PADI2: variants seen among roughly 807,000 people sequenced by gnomAD.
The protein encoded by PADI2 is peptidyl arginine deiminase 2, also known as protein-arginine deiminase type-2.
PADI2 carries 70 observed loss-of-function variants against 81.1 expected under a neutral mutation model. The ratio of observed to expected loss-of-function variants is 0.86; its 90% CI spans 0.71 to 1.05. The LOEUF (loss-of-function observed/expected upper bound fraction) is 1.05. Ranked by LOEUF, PADI2 falls within the 50% of genes least tolerant of loss-of-function variation. PADI2 has a pLI of 0.00. For synonymous variants in PADI2, 338 were observed against 358.0 expected, an observed-to-expected ratio of 0.94 and a Z score of 0.63; for missense variants, 853 against 889.9, an observed-to-expected ratio of 0.96 and a Z score of 0.53.
intron 13 of PADI2, among the ~76,000 whole-genome samples, chr1:17,072,019 C>A (rs910232): frequency 0.6 from 91,375 of 152,004 alleles, 27,859 homozygotes; most frequent in Middle Eastern, 0.7. Context: ...ATGTGGCCGA[C>A]GCTCTTCTAA....
chr1:17,117,100 G>C (rs1409811040), intron 1 of PADI2, among the ~76,000 whole-genome samples: 6 of 152,122 alleles, frequency 3.9e-5, no homozygotes, highest in Admixed American at 3.9e-4. Context: ...GAAATATCGA[G>C]CCCAAAATGC....
chr1:17,116,358 CAGAA>C (rs1235663245), intron 1 of PADI2, among the ~76,000 whole-genome samples: 2 of 152,156 alleles, frequency 1.3e-5, no homozygotes, highest in Non-Finnish European at 2.9e-5. Flanking sequence ...CTTTGCGACT[CAGAA>C]GGAGTGAGGG....
At chr1:17,071,785 G>A (rs2078266305) in intron 13 of PADI2, among the ~76,000 whole-genome samples, 1 of 152,178 alleles carries the variant, frequency 6.6e-6, no homozygotes, top group South Asian at 2.1e-4. Context: ...GCTACAAGTA[G>A]CCCCCTGGTT....
intron 6 of PADI2, 29 bp from the exon 7 acceptor site, chr1:17,086,728 C>T (rs909685416): frequency 1.3e-6 from 2 of 1,599,238 alleles, no homozygotes; most frequent in African/African-American, 2.7e-5. Context: ...ACGTCAGACT[C>T]CCACCCGCAT....
intron 7 of PADI2, among the ~76,000 whole-genome samples, 159 bp downstream of exon 7, chr1:17,086,362 C>A (rs541305007): frequency 6.6e-6 from 1 of 152,182 alleles, no homozygotes; most frequent in East Asian, 1.9e-4. Flanking sequence ...CTGGCAGACA[C>A]GTGCAGGCTT....
In PADI2 at chr1:17,069,246, C is replaced by T; in HGVS notation, c.1796G>A (p.Gly599Asp). Residue 599 changes from glycine to aspartate, a missense_variant, in exon 16 of 16, where the codon GGC becomes GAC. By Grantham distance (94) the Gly-to-Asp change is moderately conservative. Coordinates refer to ENST00000375486, the MANE Select transcript of PADI2 (RefSeq NM_007365.3). Reference protein sequence around the residue: ...VNMIVLDKDLGIPKPFGPQVE... With the variant: ...VNMIVLDKDLDIPKPFGPQVE... ...CTGTGGCCCGAATGGCTTGGGGATGCCCAGGTCCTTGTCCAGCACGATCAT... is the reference window on the plus strand; with the variant it reads ...CTGTGGCCCGAATGGCTTGGGGATGTCCAGGTCCTTGTCCAGCACGATCAT... 1 of 1,614,180 alleles carries T rather than the reference C, an allele frequency of 6.2e-7. No homozygotes were observed. Among genetic ancestry groups the T allele is most frequent in the Non-Finnish European group, 8.5e-7 (1 of 1,179,998 alleles).
In PADI2 at chr1:17,067,818, A is replaced by G. The variant is rs2078233593; in HGVS notation, c.*1226T>C. The G allele has an allele frequency of 6.6e-6, 1 of 152,242 alleles. No homozygotes were observed. The highest frequency in any genetic ancestry group is 1.5e-5 in the Non-Finnish European group (1 of 68,040). 9.4% of individuals were successfully genotyped at this position (152,242 alleles called of 1,614,324 possible). ...ATTATAACCTTTTCATTGGTTATAAATCGGTTCTTCAAAATGGGATTATAA... is the reference window on the plus strand; with the variant it reads ...ATTATAACCTTTTCATTGGTTATAAGTCGGTTCTTCAAAATGGGATTATAA... On this transcript the variant is annotated 3_prime_UTR_variant, in exon 16 of 16. Coordinates refer to ENST00000375486, the MANE Select transcript of PADI2 (RefSeq NM_007365.3).
chr1:17,117,533 TTG>T (rs2100234648), intron 1 of PADI2, among the ~76,000 whole-genome samples: 1 of 152,220 alleles, frequency 6.6e-6, no homozygotes, highest in South Asian at 2.1e-4. Context: ...GTTAGGGTCT[TTG>T]TGGTCGTTGA....
At position 17,103,005 on chromosome 1, in the gene PADI2, G is replaced by A. The variant is rs757583027; in HGVS notation, c.331C>T (p.Leu111Phe). ...AACTCACCAATGGCTGTGAGGAAGA[G>A]CCCCGCCTGGTCGATGGGAATGCTC... ...EGSIPIDQAGLFLTAIEISLD... is the reference protein window; with the variant it reads ...EGSIPIDQAGFFLTAIEISLD... Residue 111 changes from leucine to phenylalanine, a missense_variant, in exon 3 of 16, where the codon CTC (leucine) becomes TTC (phenylalanine). By Grantham distance (22) the Leu-to-Phe change is conservative (BLOSUM62 0). Coordinates refer to ENST00000375486, the MANE Select transcript of PADI2 (RefSeq NM_007365.3). 1.4e-5 allele frequency: 22 copies of A among 1,610,176 alleles called. No individual in the cohort carries two copies. Among genetic ancestry groups the A allele is most frequent in the Non-Finnish European group, 1.7e-5 (20 of 1,178,216 alleles).
chr1:17,086,784 CA>C, intron 6 of PADI2, 85 bp from the exon 7 acceptor site: 3 of 1,131,556 alleles, frequency 2.7e-6, no homozygotes, highest in Non-Finnish European at 3.9e-6. Flanking sequence ...GACAAAAGGG[CA>C]AAGTAACTTG....
At chr1:17,075,867 A>C (rs1297205148) in intron 11 of PADI2, 44 bp from the exon 12 acceptor site, 1 of 1,592,402 alleles carries the variant, frequency 6.3e-7, no homozygotes, top group East Asian at 2.2e-5. Flanking sequence ...TACCCACCGC[A>C]CCAGAGGGCC....
intron 8 of PADI2, among the ~76,000 whole-genome samples, chr1:17,084,392 T>C (rs1026359633): frequency 1.3e-5 from 2 of 152,278 alleles, no homozygotes; most frequent in African/African-American, 4.8e-5. Context: ...ATACCCTGTG[T>C]GCTGGGCCTT....
At position 17,086,409 on chromosome 1, in the gene PADI2, C is replaced by T. The variant is rs1570987036; in HGVS notation, c.834+112G>A. The T allele has an allele frequency of 2.1e-5, 19 of 883,950 alleles. No homozygotes were observed. The South Asian group carries it at 3.4e-4, about 16-fold the overall frequency. The allele number at this position is 883,950 out of a possible 1,614,324, so 54.8% of individuals were successfully genotyped here. A position where few individuals can be genotyped will look rare whatever the true frequency, so the allele number is the denominator to read the frequency against. ...ATCGAGGTCTCCTAGCCTGGACCCA[C>T]CCCTTTGGCGCTTTGAGCAGGGTGG... On this transcript the variant is annotated intron_variant, in intron 7 of 15. Coordinates refer to ENST00000375486, the MANE Select transcript of PADI2 (RefSeq NM_007365.3).
intron 13 of PADI2, among the ~76,000 whole-genome samples, chr1:17,073,653 G>C (rs1371917291): frequency 1.3e-5 from 2 of 151,904 alleles, no homozygotes; most frequent in African/African-American, 2.4e-5. Context: ...ATGACTAACT[G>C]TTGTCTACTA....
intron 3 of PADI2, among the ~76,000 whole-genome samples, chr1:17,098,722 C>A (rs941567203): frequency 6.6e-6 from 1 of 152,198 alleles, no homozygotes; most frequent in Non-Finnish European, 1.5e-5. Context: ...CATGACCTGT[C>A]CCCATAATCC....
chr1:17,093,547 A>G lies in PADI2; in HGVS notation c.529+20T>C. On this transcript the variant is annotated intron_variant, in intron 5 of 15. Transcript: ENST00000375486. Reference sequence around the variant, plus strand: ...TTCACTCCTCTCATCCTGCCCCCCAAGTGCAGGGCCTGCTGGCACCTTCCT... The same window carrying G: ...TTCACTCCTCTCATCCTGCCCCCCAGGTGCAGGGCCTGCTGGCACCTTCCT... The G allele has an allele frequency of 2.0e-6, 3 of 1,465,392 alleles. No individual in the cohort carries two copies. The highest frequency in any genetic ancestry group is 2.9e-6 in the Non-Finnish European group (3 of 1,045,536). 90.8% of individuals were successfully genotyped at this position (1,465,392 alleles called of 1,614,324 possible).
At chr1:17,094,802 G>C (rs748501422) in intron 4 of PADI2, among the ~76,000 whole-genome samples, 2 of 152,232 alleles carry the variant, frequency 1.3e-5, no homozygotes, top group African/African-American at 2.4e-5. Context: ...CAGCCCCTTG[G>C]GGGAGGTTGG....
rs1477029520 is a variant in PADI2 at position 17,102,978 on chromosome 1, C to T, written c.349+9G>A. On this transcript the variant is annotated intron_variant, in intron 3 of 15. Transcript: ENST00000375486. The stretch of plus-strand genomic sequence containing the variant: ...TGAAGGCACTGAGACGGCAACCATG[C>T]CAACTCACCAATGGCTGTGAGGAAG... 2 of 1,606,066 alleles carry T rather than the reference C, an allele frequency of 1.2e-6. No individual in the cohort carries two copies. The highest frequency in any genetic ancestry group is 1.7e-5 in the Admixed American group (1 of 59,620).
chr1:17,069,012 CGAA>C lies in PADI2; in HGVS notation c.*29_*31del, dbSNP rs1314507309. On this transcript the variant is annotated 3_prime_UTR_variant, in exon 16 of 16. Coordinates refer to ENST00000375486, the MANE Select transcript of PADI2 (RefSeq NM_007365.3). ...GTGAGGGAGGGTCTGGAGAACTAAG[CGAA>C]GGAGGCAAACGCCAGGGCCCCTGGC... The C allele has an allele frequency of 2.0e-6, 3 of 1,510,296 alleles. No homozygotes were observed. Among genetic ancestry groups the C allele is most frequent in the Non-Finnish European group, 2.8e-6 (3 of 1,085,594 alleles). 93.6% of individuals were successfully genotyped at this position (1,510,296 alleles called of 1,614,324 possible). A position where few individuals can be genotyped will look rare whatever the true frequency, so the allele number is the denominator to read the frequency against.
Sources: gnomAD v4.1 joint callset for allele counts (sites outside exome capture counted in the v4.1 genomes callset) on GRCh38, gnomAD v4.1.1 for gene constraint, MANE v1.5 for transcripts, NCBI Gene and HGNC (gene_info 2026-07-23, HGNC 2026-07-21) for gene names.